The following ZMYND8 variants were observed in gnomAD, a reference collection of about 807,000 sequenced individuals.
ZMYND8 encodes the protein MYND-type zinc finger-containing chromatin reader ZMYND8.
A neutral mutation model predicts 140.8 loss-of-function variants in ZMYND8; 37 were observed. That is an observed-to-expected ratio of 0.26 (90% confidence interval 0.20 to 0.35). The LOEUF is 0.35. Among genes scored for constraint, ZMYND8 ranks in the 10% least tolerant of loss-of-function variants. ZMYND8 has a pLI of 1.00. For missense variants in ZMYND8, 1,068 were observed against 1,570.0 expected (o/e 0.68, Z 5.40); for synonymous variants, 592 against 597.1 (o/e 0.99, Z 0.12).
chr20:47,282,027 ACTT>A, intron 10 of ZMYND8, 72 bp downstream of exon 10: 2 of 1,186,702 alleles, frequency 1.7e-6, no homozygotes, highest in East Asian at 2.4e-5. Flanking sequence ...TGCAGCCTCC[ACTT>A]CTTTTCTTAT....
chr20:47,318,553 A>G (rs1248040193), intron 2 of ZMYND8: 2 of 363,056 alleles, frequency 5.5e-6, no homozygotes, highest in East Asian at 1.5e-4. Context: ...AGGAAGCAAA[A>G]TTGTCCTCGC....
At chr20:47,349,331 C>A (rs896507020) in intron 1 of ZMYND8, among the ~76,000 whole-genome samples, 2 of 152,158 alleles carry the variant, frequency 1.3e-5, no homozygotes, top group Non-Finnish European at 2.9e-5. Flanking sequence ...ATTTACACCG[C>A]ATCTGTAAAG....
At chr20:47,305,167 C>T (rs532353348) in intron 3 of ZMYND8, among the ~76,000 whole-genome samples, 5 of 151,976 alleles carry the variant, frequency 3.3e-5, no homozygotes, top group South Asian at 2.1e-4. Flanking sequence ...TCACTTGAGC[C>T]CAGGAGGTCA....
chr20:47,237,182 G>A (rs1462945187), intron 15 of ZMYND8: 10 of 149,100 alleles, frequency 6.7e-5, no homozygotes, highest in Non-Finnish European at 1.2e-4. Flanking sequence ...TCACTCTGTC[G>A]CCCAGGCTGG....
intron 14 of ZMYND8, among the ~76,000 whole-genome samples, chr20:47,240,250 C>CA (rs1568960456): frequency 6.6e-6 from 1 of 151,536 alleles, no homozygotes; most frequent in African/African-American, 2.4e-5. Context: ...CGCAGTGGCT[C>CA]ACGCCTGTAA....
intron 10 of ZMYND8, among the ~76,000 whole-genome samples, chr20:47,281,173 C>T (rs1269502432): frequency 6.6e-6 from 1 of 152,208 alleles, no homozygotes; most frequent in Admixed American, 6.5e-5. Flanking sequence ...CCAGCACCAT[C>T]TCAATAATTT....
intron 2 of ZMYND8, among the ~76,000 whole-genome samples, chr20:47,341,991 T>C (rs1399864243): frequency 2.1e-5 from 3 of 143,196 alleles, no homozygotes; most frequent in Non-Finnish European, 4.6e-5. Context: ...TGACAGGGCG[T>C]GACTCCGTCT....
At position 47,336,648 on chromosome 20, in the gene ZMYND8, G is replaced by T. The variant is rs149416118; in HGVS notation, c.85+11208C>A. Among the ~76,000 whole-genome samples, 546 of 152,364 alleles carry T rather than the reference G, an allele frequency of 3.6e-3. 5 individuals carry two copies. The highest frequency in any genetic ancestry group is 0.012 in the African/African-American group (514 of 41,590). On this transcript the variant is annotated intron_variant, in intron 2 of 22. Transcript: ENST00000471951. ...TCTGCAATGAATTGTGCCTTGGCCA[G>T]TCTCGCACAGGGAATGCAAAATGAC...
intron 2 of ZMYND8, among the ~76,000 whole-genome samples, chr20:47,314,421 G>T (rs569116420): frequency 6.6e-6 from 1 of 151,760 alleles, no homozygotes; most frequent in East Asian, 2.0e-4. Context: ...ATCACTTGGC[G>T]CCAGGAGGCA....
At chr20:47,287,086 T>C in intron 8 of ZMYND8, 143 bp downstream of exon 8, 1 of 660,520 alleles carries the variant, frequency 1.5e-6, no homozygotes, top group Non-Finnish European at 2.7e-6. Context: ...TTCTTTTTAC[T>C]TTCCTTGAAG....
intron 2 of ZMYND8, among the ~76,000 whole-genome samples, chr20:47,323,902 T>A (rs145297283): frequency 6.6e-6 from 1 of 151,556 alleles, no homozygotes; most frequent in Non-Finnish European, 1.5e-5. Flanking sequence ...CCAAGTGTTA[T>A]TAAGAATGCC....
At chr20:47,278,517 C>T (rs545986016) in intron 10 of ZMYND8, among the ~76,000 whole-genome samples, 1 of 152,114 alleles carries the variant, frequency 6.6e-6, no homozygotes, top group South Asian at 2.1e-4. Context: ...TACATTTTAC[C>T]CCCATTTCAA....
chr20:47,280,371 G>A (rs1020519981), intron 10 of ZMYND8, among the ~76,000 whole-genome samples: 1 of 152,140 alleles, frequency 6.6e-6, no homozygotes. Context: ...ACAGAAGGGG[G>A]CCAGCTTCCA....
At chr20:47,300,930 G>GTGTGTGTGTGTGTGTGTGTGTGTA (rs757554886) in intron 3 of ZMYND8, among the ~76,000 whole-genome samples, 2 of 141,324 alleles carry the variant, frequency 1.4e-5, no homozygotes, top group African/African-American at 5.3e-5. Flanking sequence ...GTGTGTGTGT[G>GTGTGTGTGTGTGTGTGTGTGTGTA]TGTGTTTTGT....
At chr20:47,308,036 T>C (rs796771521) in intron 3 of ZMYND8, among the ~76,000 whole-genome samples, 17 of 150,152 alleles carry the variant, frequency 1.1e-4, no homozygotes, top group African/African-American at 4.2e-4. Flanking sequence ...AAGAATCCCT[T>C]GAACCTGAGA....
chr20:47,314,175 T>C (rs1421492795), intron 2 of ZMYND8, among the ~76,000 whole-genome samples: 1 of 151,846 alleles, frequency 6.6e-6, no homozygotes, highest in African/African-American at 2.4e-5. Context: ...TGTGTACTTA[T>C]TTATCATGTG....
chr20:47,238,913 A>T lies in ZMYND8; in HGVS notation c.2510T>A (p.Val837Asp), dbSNP rs1170581801. The T allele has an allele frequency of 1.4e-5, 23 of 1,613,932 alleles. No homozygotes were observed. The highest frequency in any genetic ancestry group is 1.8e-5 in the Non-Finnish European group (21 of 1,180,032). ...AAACTTACTTGATGAGTTCCACACGACCCGCTGCACGGCCGGGGCAGTCTC... is the reference window on the plus strand; with the variant it reads ...AAACTTACTTGATGAGTTCCACACGTCCCGCTGCACGGCCGGGGCAGTCTC... ...PKETAPAVQR[V>D]VWNSSSKFQT... Residue 837 changes from valine (V) to aspartate (D), a missense_variant, in exon 15 of 23, where the codon GTC becomes GAC. Physicochemically the swap from Val to Asp is radical, Grantham distance 152. Transcript: ENST00000471951.
rs1448424092 is a variant in ZMYND8 at position 47,210,607 on chromosome 20, G to A, written c.*154C>T. The A allele has an allele frequency of 2.5e-6, 3 of 1,177,774 alleles. No individual in the cohort carries two copies. Among genetic ancestry groups the A allele is most frequent in the African/African-American group, 1.5e-5 (1 of 65,936 alleles). 73.0% of individuals were successfully genotyped at this position (1,177,774 alleles called of 1,614,324 possible). On this transcript the variant is annotated 3_prime_UTR_variant, in exon 23 of 23. Transcript: ENST00000471951. Reference sequence around the variant, plus strand: ...AAGCCGATGCTGGGTGTCCTGTAGTGTAGCAGCCCCCGCGCCGGGGGCTCA... The same window carrying A: ...AAGCCGATGCTGGGTGTCCTGTAGTATAGCAGCCCCCGCGCCGGGGGCTCA...
At chr20:47,343,102 G>A (rs1373519914) in intron 2 of ZMYND8, among the ~76,000 whole-genome samples, 1 of 152,064 alleles carries the variant, frequency 6.6e-6, no homozygotes, top group Non-Finnish European at 1.5e-5. Flanking sequence ...GCAACACAGC[G>A]AGACTCCATC....
Sources: allele counts gnomAD v4.1 joint callset (sites outside exome capture counted in the v4.1 genomes callset), GRCh38; gene constraint gnomAD v4.1.1; transcripts MANE v1.5; gene names NCBI Gene and HGNC (gene_info 2026-07-23, HGNC 2026-07-21).